DIP2B: variants seen among roughly 807,000 people sequenced by gnomAD.
DIP2B encodes DIP2 acetate--CoA ligase B (putative), also known as disco-interacting protein 2 homolog B.
Under a neutral mutation model 198.0 loss-of-function variants are expected in DIP2B, and 76 were observed. That is an observed-to-expected ratio of 0.38 (90% CI 0.32 to 0.46). The LOEUF (loss-of-function observed/expected upper bound fraction) is 0.46. DIP2B is among the 20% of genes least tolerant of loss of function. The probability of loss-of-function intolerance (pLI) is 0.99; values close to 1 mark genes in which losing one functional copy is unlikely to be tolerated. For synonymous variants in DIP2B, 701 were observed against 739.1 expected (o/e 0.95, Z 0.84); for missense variants, 1,559 against 1,978.4 (o/e 0.79, Z 4.02).
At chr12:50,517,173 C>T (rs908952514) in intron 1 of DIP2B, among the ~76,000 whole-genome samples, 1 of 152,008 alleles carries the variant, frequency 6.6e-6, no homozygotes, top group Non-Finnish European at 1.5e-5. Flanking sequence ...CCTGCCTTGG[C>T]CTCCCAAAGT....
intron 1 of DIP2B, among the ~76,000 whole-genome samples, chr12:50,529,739 A>T (rs1958198895): frequency 6.6e-6 from 1 of 151,992 alleles, no homozygotes; most frequent in East Asian, 1.9e-4. Context: ...TGTGCCTGTA[A>T]TCCCAACTAC....
intron 19 of DIP2B, among the ~76,000 whole-genome samples, chr12:50,700,306 T>C (rs1208636073): frequency 6.6e-6 from 1 of 152,210 alleles, no homozygotes; most frequent in Non-Finnish European, 1.5e-5. Flanking sequence ...CGGTTAATTG[T>C]CTACATTTAA....
chr12:50,577,359 G>A (rs1958671776), intron 1 of DIP2B, among the ~76,000 whole-genome samples: 1 of 151,738 alleles, frequency 6.6e-6, no homozygotes, highest in African/African-American at 2.4e-5. Context: ...GTGAAACCCT[G>A]CCTCTACTAA....
In DIP2B at chr12:50,718,367, A is replaced by G. The variant is rs890937425; in HGVS notation, c.2852-342A>G. ...TTAGTAGGAACCTGTGCAACCAGCT[A>G]TCACCTCCTCAGAGTGAAAAATTCC... On this transcript the variant is annotated intron_variant, in intron 23 of 37. Transcript: ENST00000301180. 5.3e-5 allele frequency among the ~76,000 whole-genome samples: 8 copies of G among 152,198 alleles called. No individual in the cohort carries two copies. In the South Asian group the frequency reaches 8.3e-4, roughly 16 times the overall value.
At chr12:50,743,538 C>A (rs1940293590) in intron 37 of DIP2B, 1 of 152,172 alleles carries the variant, frequency 6.6e-6, no homozygotes, top group South Asian at 2.1e-4. Flanking sequence ...GACAGACACT[C>A]TTCCTGTTGG....
chr12:50,744,611 G>A lies in DIP2B; in HGVS notation c.4503G>A (p.Leu1501=). 8 of 1,614,064 alleles carry A rather than the reference G, an allele frequency of 5.0e-6. No individual in the cohort carries two copies. Among genetic ancestry groups the A allele is most frequent in the Non-Finnish European group, 6.8e-6 (8 of 1,179,994 alleles). The change falls in exon 38 of 38, where the codon TTG becomes TTA. Residue 1501 remains leucine, a synonymous_variant. Coordinates refer to ENST00000301180, the MANE Select transcript of DIP2B (RefSeq NM_173602.3). ...GTGCCGTGTTCACATGGACCAACTTGCTTGTGGTGGTTGTGGAACTGTGCG... is the reference window on the plus strand; with the variant it reads ...GTGCCGTGTTCACATGGACCAACTTACTTGTGGTGGTTGTGGAACTGTGCG... ...AECAVFTWTN[L]LVVVVELCGS...
chr12:50,687,157 T>C (rs7137845), intron 12 of DIP2B, among the ~76,000 whole-genome samples: 48,591 of 152,078 alleles, frequency 0.32, 7,930 homozygotes, highest in South Asian at 0.36. Flanking sequence ...CATGATCCCA[T>C]TAATGGATTA....
Position 50,731,170 on chromosome 12 carries a change from C to A in DIP2B, c.3642-199C>A, listed in dbSNP as rs182089173. 4.6e-5 allele frequency among the ~76,000 whole-genome samples: 7 copies of A among 152,304 alleles called. No homozygotes were observed. The East Asian group carries it at 1.3e-3, about 29-fold the overall frequency. On this transcript the variant is annotated intron_variant, in intron 30 of 37. Transcript: ENST00000301180. ...AAGAATGTTATGTAGACTTAAGTGA[C>A]CTACCACAGTCTGCTTTATTTCATA...
At chr12:50,721,440 G>A in intron 26 of DIP2B, 44 bp downstream of exon 26, 1 of 1,608,624 alleles carries the variant, frequency 6.2e-7, no homozygotes, top group Non-Finnish European at 8.5e-7. Context: ...TCCAATACTA[G>A]ACTGACTACA....
chr12:50,609,081 C>T (rs997284944), intron 1 of DIP2B, among the ~76,000 whole-genome samples: 4 of 151,764 alleles, frequency 2.6e-5, no homozygotes, highest in Admixed American at 1.3e-4. Context: ...TGCAGTGAGC[C>T]GAGATTGTGC....
intron 10 of DIP2B, among the ~76,000 whole-genome samples, chr12:50,684,832 C>T (rs938625132): frequency 2.2e-4 from 34 of 152,086 alleles, no homozygotes; most frequent in African/African-American, 8.0e-4. Context: ...TGGCTTATGC[C>T]TGTAATCCTA....
intron 22 of DIP2B, among the ~76,000 whole-genome samples, chr12:50,713,243 C>T (rs182654346): frequency 1.1e-4 from 16 of 152,216 alleles, no homozygotes; most frequent in South Asian, 2.1e-4. Context: ...TCACCATACC[C>T]GGCCTGGTTT....
rs554624988 is a variant in DIP2B, at chr12:50,595,122, T to G, written c.101-30854T>G. On this transcript the variant is annotated intron_variant, in intron 1 of 37. Coordinates refer to ENST00000301180, the MANE Select transcript of DIP2B (RefSeq NM_173602.3). ...ATATAAATTAAGCTCAAGCTTGCAT[T>G]TTAAAAGGAATAAACACATTCACAG... 2.5e-4 allele frequency among the ~76,000 whole-genome samples: 38 copies of G among 152,324 alleles called. No individual in the cohort carries two copies. In the South Asian group the frequency reaches 7.9e-3, roughly 32 times the overall value.
chr12:50,730,829 C>T (rs1472661405), intron 30 of DIP2B, among the ~76,000 whole-genome samples: 1 of 152,234 alleles, frequency 6.6e-6, no homozygotes, highest in Non-Finnish European at 1.5e-5. Context: ...ATTCTTCAAG[C>T]TGCAGCTCAA....
chr12:50,651,709 A>G (rs1938456323), intron 3 of DIP2B, among the ~76,000 whole-genome samples: 1 of 152,038 alleles, frequency 6.6e-6, no homozygotes, highest in African/African-American at 2.4e-5. Flanking sequence ...CCAGTACCAA[A>G]CTATTTTGAA....
chr12:50,723,864 C>T lies in DIP2B; in HGVS notation c.3288+541C>T, dbSNP rs1565882701. Among the ~76,000 whole-genome samples, 6 of 152,156 alleles carry T rather than the reference C, an allele frequency of 3.9e-5. No individual in the cohort carries two copies. The South Asian group carries it at 1.0e-3, about 26-fold the overall frequency. ...AACTGAATTATCCCCAGTGTCAAGT[C>T]ACTTCTATTTTAGTTACTTTTGTGA... On this transcript the variant is annotated intron_variant, in intron 27 of 37. Coordinates refer to ENST00000301180, the MANE Select transcript of DIP2B (RefSeq NM_173602.3).
chr12:50,655,435 G>A (rs2139505933), intron 3 of DIP2B, among the ~76,000 whole-genome samples: 1 of 152,240 alleles, frequency 6.6e-6, no homozygotes, highest in Non-Finnish European at 1.5e-5. Context: ...TAACTTTTTG[G>A]TATAGTTTTG....
intron 2 of DIP2B, among the ~76,000 whole-genome samples, chr12:50,635,204 G>C (rs2037453): frequency 0.96 from 145,766 of 152,308 alleles, 70,091 homozygotes; most frequent in East Asian, 1. Flanking sequence ...TATTTGTGAC[G>C]TTTGTGTGTT....
At chr12:50,661,584 T>C (rs1443747167) in intron 4 of DIP2B, among the ~76,000 whole-genome samples, 9 of 152,222 alleles carry the variant, frequency 5.9e-5, no homozygotes, top group Admixed American at 5.9e-4. Context: ...TCTAGCCGGC[T>C]ATCACAGTAA....
Sources: gnomAD v4.1 joint callset for allele counts (sites outside exome capture counted in the v4.1 genomes callset) on GRCh38, gnomAD v4.1.1 for gene constraint, MANE v1.5 for transcripts, NCBI Gene and HGNC (gene_info 2026-07-23, HGNC 2026-07-21) for gene names.